Variants in NDUFAF1 observed in about 807,000 individuals in gnomAD.
NDUFAF1 encodes complex I intermediate-associated protein 30, mitochondrial.
A neutral mutation model predicts 28.7 loss-of-function variants in NDUFAF1; 18 were observed. That is an observed-to-expected ratio of 0.63 (90% CI 0.43 to 0.93). The LOEUF (loss-of-function observed/expected upper bound fraction) is 0.93, where lower values mean the gene tolerates loss of function less well. Among genes scored for constraint, NDUFAF1 ranks in the 40% least tolerant of loss-of-function variants. The probability of loss-of-function intolerance (pLI) is 0.00; values close to 1 mark genes in which losing one functional copy is unlikely to be tolerated. For missense variants in NDUFAF1, 404 were observed against 398.3 expected (o/e 1.01, Z -0.12); for synonymous variants, 113 against 139.7 (o/e 0.81, Z 1.35).
rs556982088 is a variant in NDUFAF1, at chr15:41,394,477, T to C, written c.759+382A>G. 985 of 772,212 alleles carry C rather than the reference T, an allele frequency of 1.3e-3. 20 individuals carry two copies. In the South Asian group the frequency reaches 0.013, roughly 10 times the overall value. The allele number at this position is 772,212 out of a possible 1,614,324, so 47.8% of individuals were successfully genotyped here. ...CCTGGCCACATCCATATCAAAAATATTCACTAGTTAGTATGTTAACATTTA... is the reference window on the plus strand; with the variant it reads ...CCTGGCCACATCCATATCAAAAATACTCACTAGTTAGTATGTTAACATTTA... On this transcript the variant is annotated intron_variant, in intron 3 of 4. Transcript: ENST00000260361.
At chr15:41,394,220 A>G (rs1209512595) in intron 3 of NDUFAF1, 1 of 493,478 alleles carries the variant, frequency 2.0e-6, no homozygotes, top group Non-Finnish European at 3.8e-6. Context: ...TAGTAGAGAC[A>G]ACAGGGTTTC....
intron 3 of NDUFAF1, among the ~76,000 whole-genome samples, chr15:41,393,291 ATTTTTTT>A (rs911259285): frequency 1.6e-4 from 15 of 93,658 alleles, no homozygotes; most frequent in South Asian, 1.3e-3. Context: ...TGCCCGGCTA[ATTTTTTT>A]TTTTTTTTTT....
intron 2 of NDUFAF1, 130 bp from the exon 3 acceptor site, chr15:41,395,174 A>G (rs1040578462): frequency 1.3e-6 from 1 of 784,094 alleles, no homozygotes; most frequent in South Asian, 1.5e-5. Context: ...ATAAGAAGGC[A>G]CATAAACCCA....
intron 1 of NDUFAF1, among the ~76,000 whole-genome samples, 190 bp downstream of exon 1, chr15:41,401,954 C>G (rs1447896983): frequency 2.0e-5 from 3 of 152,102 alleles, no homozygotes; most frequent in Non-Finnish European, 4.4e-5. Context: ...TCCAAACCCT[C>G]CGTAGTGTTA....
intron 1 of NDUFAF1, among the ~76,000 whole-genome samples, chr15:41,401,225 C>T (rs1261885708): frequency 1.3e-5 from 2 of 150,452 alleles, no homozygotes; most frequent in Non-Finnish European, 2.9e-5. Flanking sequence ...ACATGGGCCT[C>T]CTAAAGTACT....
intron 3 of NDUFAF1, 35 bp from the exon 4 acceptor site, chr15:41,388,557 T>G: frequency 7.3e-7 from 1 of 1,374,598 alleles, no homozygotes. Context: ...ATAACTGAAA[T>G]GTAAGCAATT....
chr15:41,399,651 G>A (rs1254165939), intron 1 of NDUFAF1, among the ~76,000 whole-genome samples: 1 of 151,344 alleles, frequency 6.6e-6, no homozygotes, highest in African/African-American at 2.4e-5. Flanking sequence ...TCAGGAGATC[G>A]AGACCATCCC....
chr15:41,397,714 G>T (rs958543943), intron 1 of NDUFAF1, among the ~76,000 whole-genome samples: 1 of 150,614 alleles, frequency 6.6e-6, no homozygotes, highest in Non-Finnish European at 1.5e-5. Flanking sequence ...CAGGAGAATA[G>T]CGTCAACCCA....
chr15:41,392,446 A>G (rs2050327792), intron 3 of NDUFAF1, among the ~76,000 whole-genome samples: 1 of 152,052 alleles, frequency 6.6e-6, no homozygotes, highest in Non-Finnish European at 1.5e-5. Flanking sequence ...CCCACCCAAA[A>G]TCTCATCTTG....
At position 41,388,485 on chromosome 15, in the gene NDUFAF1, C is replaced by T. The variant is rs746675778; in HGVS notation, c.797G>A (p.Arg266Lys). 1.2e-6 allele frequency: 2 copies of T among 1,613,118 alleles called. No individual in the cohort carries two copies. Among genetic ancestry groups the T allele is most frequent in the Non-Finnish European group, 1.7e-6 (2 of 1,179,268 alleles). Reference sequence around the variant, plus strand: ...AAGCTCATGCTGAACATCCCGGATTCTTCCTCGATTAGAGAAGAAAAATTT... The same window carrying T: ...AAGCTCATGCTGAACATCCCGGATTTTTCCTCGATTAGAGAAGAAAAATTT... ...FSKFFFSNRGRIRDVQHELPL... is the reference protein window; with the variant it reads ...FSKFFFSNRGKIRDVQHELPL... Residue 266 changes from arginine to lysine, a missense_variant, in exon 4 of 5, where the codon AGA becomes AAA. Arg to Lys is a conservative substitution (Grantham distance 26). Transcript: ENST00000260361.
chr15:41,387,556 T>C lies in NDUFAF1; in HGVS notation c.872A>G (p.Asp291Gly), dbSNP rs757107634. ...SIGFTLADKVDGPFFLEIDFI... is the reference protein window; with the variant it reads ...SIGFTLADKVGGPFFLEIDFI... ...ATCTATCTCCAGGAAGAATGGACCA[T>C]CCACTTTATCAGCCAAGGTGAATCC... Residue 291 changes from aspartate (D) to glycine (G), a missense_variant, in exon 5 of 5, where the codon GAT becomes GGT. Transcript: ENST00000260361. 6.2e-6 allele frequency: 10 copies of C among 1,611,608 alleles called. No homozygotes were observed. The highest frequency in any genetic ancestry group is 3.3e-5 in the Admixed American group (2 of 59,984).
intron 2 of NDUFAF1, among the ~76,000 whole-genome samples, chr15:41,395,661 C>T (rs1166471556): frequency 3.7e-5 from 5 of 136,034 alleles, no homozygotes; most frequent in South Asian, 2.5e-4. Context: ...TGAGCCACTG[C>T]GCCCGGCCTT....
intron 3 of NDUFAF1, among the ~76,000 whole-genome samples, chr15:41,388,882 A>G (rs2050284555): frequency 6.6e-6 from 1 of 151,678 alleles, no homozygotes; most frequent in African/African-American, 2.4e-5. Flanking sequence ...GCTAGATTCT[A>G]TCTCAGAAAA....
chr15:41,397,214 C>A (rs1403306491), intron 1 of NDUFAF1, 74 bp from the exon 2 acceptor site: 2 of 638,760 alleles, frequency 3.1e-6, no homozygotes, highest in East Asian at 5.5e-5. Context: ...CAACAGAAAT[C>A]AGGTATTTTG....
intron 3 of NDUFAF1, among the ~76,000 whole-genome samples, 200 bp downstream of exon 3, chr15:41,394,659 C>T (rs2050359790): frequency 9.2e-6 from 1 of 109,058 alleles, no homozygotes; most frequent in South Asian, 3.3e-4. Flanking sequence ...GACAGAGTCT[C>T]ATCTCACTCT....
intron 3 of NDUFAF1, among the ~76,000 whole-genome samples, chr15:41,390,286 A>G (rs1038056720): frequency 6.6e-6 from 1 of 152,166 alleles, no homozygotes; most frequent in Non-Finnish European, 1.5e-5. Flanking sequence ...CTTATATAAT[A>G]TCATGCAGAC....
At chr15:41,394,003 C>G (rs1238553455) in intron 3 of NDUFAF1, 2 of 258,372 alleles carry the variant, frequency 7.7e-6, no homozygotes, top group East Asian at 2.3e-4. Flanking sequence ...GCCACCACGC[C>G]TGGCCTAGGA....
intron 4 of NDUFAF1, 102 bp from the exon 5 acceptor site, chr15:41,387,695 T>A: frequency 4.2e-6 from 4 of 958,834 alleles, no homozygotes; most frequent in Non-Finnish European, 6.6e-6. Context: ...TAACTGGGTT[T>A]TAATGCTATC....
At chr15:41,402,681 G>T (rs2050481920), upstream of NDUFAF1, among the ~76,000 whole-genome samples, 1 of 150,832 alleles carries the variant, frequency 6.6e-6, no homozygotes, top group African/African-American at 2.4e-5. Context: ...TAAGTTTTTC[G>T]CCTCTCCTTC....
Sources: gnomAD v4.1 joint callset for allele counts (sites outside exome capture counted in the v4.1 genomes callset) on GRCh38, gnomAD v4.1.1 for gene constraint, MANE v1.5 for transcripts, NCBI Gene and HGNC (gene_info 2026-07-23, HGNC 2026-07-21) for gene names.